Variants in ACAP3 observed in about 807,000 individuals in gnomAD.
ACAP3 encodes arf-GAP with coiled-coil, ANK repeat and PH domain-containing protein 3.
ACAP3 carries 56 observed loss-of-function variants against 104.1 expected under a neutral mutation model. The ratio of observed to expected loss-of-function variants is 0.54; its 90% CI spans 0.43 to 0.67. The LOEUF is 0.67. Ranked by LOEUF, ACAP3 falls within the 30% of genes least tolerant of loss-of-function variation. ACAP3 has a pLI of 0.00. For missense variants in ACAP3, 1,208 were observed against 1,174.9 expected, an observed-to-expected ratio of 1.03 and a Z score of -0.41; for synonymous variants, 628 against 496.2, an observed-to-expected ratio of 1.27 and a Z score of -3.53.
intron 4 of ACAP3, 105 bp downstream of exon 4, chr1:1,302,817 A>C: frequency 1.4e-5 from 4 of 287,090 alleles, no homozygotes; most frequent in African/African-American, 3.0e-5. Flanking sequence ...CGACTAGAGG[A>C]GCAGAAACGT....
In ACAP3 at chr1:1,297,874, T is replaced by A. The variant is rs755640116; in HGVS notation, c.1076A>T (p.Gln359Leu). The A allele has an allele frequency of 2.5e-6, 4 of 1,611,974 alleles. No individual in the cohort carries two copies. Among genetic ancestry groups the A allele is most frequent in the Non-Finnish European group, 2.5e-6 (3 of 1,179,482 alleles). Reference sequence around the variant, plus strand: ...GCGGTAGGCGGAGGCGATGCTGGCCTGCACAGCCTGGACCCAGGCTTGCCG... The same window carrying A: ...GCGGTAGGCGGAGGCGATGCTGGCCAGCACAGCCTGGACCCAGGCTTGCCG... ...KLRQAWVQAV[Q>L]ASIASAYRES... Residue 359 changes from glutamine to leucine, a missense_variant, in exon 14 of 24, where the codon CAG (glutamine) becomes CTG (leucine). Transcript: ENST00000354700.
Position 1,299,985 on chromosome 1 carries a change from C to T in ACAP3, c.651G>A (p.Lys217=), listed in dbSNP as rs1641373651. The change falls in exon 8 of 24, where the codon AAG becomes AAA. Residue 217 remains lysine, a synonymous_variant. Coordinates refer to ENST00000354700, the MANE Select transcript of ACAP3 (RefSeq NM_030649.3). The part of the protein sequence containing the change: ...LLHQLDPYMK[K]LAAELDQLVI... Reference sequence around the variant, plus strand: ...CCCAAAGGCTCACCTCGGCTGCCAGCTTCTTCATGTAGGGGTCCAGCTGGT... The same window carrying T: ...CCCAAAGGCTCACCTCGGCTGCCAGTTTCTTCATGTAGGGGTCCAGCTGGT... 2 of 1,609,600 alleles carry T rather than the reference C, an allele frequency of 1.2e-6. No homozygotes were observed. Among genetic ancestry groups the T allele is most frequent in the South Asian group, 2.2e-5 (2 of 90,978 alleles).
In ACAP3 at chr1:1,292,846, C is replaced by G. The variant is rs370212876; in HGVS notation, c.*718G>C. The G allele has an allele frequency of 2.6e-5, 4 of 152,436 alleles. No homozygotes were observed. Among genetic ancestry groups the G allele is most frequent in the South Asian group, 4.1e-4 (2 of 4,830 alleles). 9.4% of individuals were successfully genotyped at this position (152,436 alleles called of 1,614,324 possible). ...GCCTATAGCAAACCCACTCGGTCCG[C>G]TACAAAGAACATGAGATGAGGGCTG... On this transcript the variant is annotated 3_prime_UTR_variant, in exon 24 of 24. Transcript: ENST00000354700.
chr1:1,300,797 G>C lies in ACAP3; in HGVS notation c.339-105C>G. The C allele has an allele frequency of 2.4e-6, 3 of 1,247,958 alleles. No individual in the cohort carries two copies. The South Asian group carries it at 4.1e-5, about 17-fold the overall frequency. The allele number at this position is 1,247,958 out of a possible 1,614,324, so 77.3% of individuals were successfully genotyped here. ...TGTGTTTTTTGTTTTTTGAGACGGA[G>C]TTTCGCTCTTGTCACCCAGGCTGGA... On this transcript the variant is annotated intron_variant, in intron 5 of 23. Coordinates refer to ENST00000354700, the MANE Select transcript of ACAP3 (RefSeq NM_030649.3).
At chr1:1,299,779 G>A (rs765668975) in intron 9 of ACAP3, 52 bp downstream of exon 9, 28 of 1,510,130 alleles carry the variant, frequency 1.9e-5, no homozygotes, top group South Asian at 5.0e-5. Context: ...GGGTGAGGAC[G>A]CAGGGGCCTC....
At chr1:1,294,935 C>G in intron 19 of ACAP3, 119 bp from the exon 20 acceptor site, 1 of 996,432 alleles carries the variant, frequency 1.0e-6, no homozygotes, top group Non-Finnish European at 1.5e-6. Context: ...ACAGGACCAG[C>G]TCCCACCCAG....
intron 1 of ACAP3, 127 bp from the exon 2 acceptor site, chr1:1,304,270 A>T: frequency 8.6e-7 from 1 of 1,160,624 alleles, no homozygotes; most frequent in Non-Finnish European, 1.2e-6. Flanking sequence ...GCTGGGAGAC[A>T]GACGCCTGCC....
In ACAP3 at chr1:1,294,082, C is replaced by G; in HGVS notation, c.2249+8G>C. ...GGCACAGGGCGGGGCGTGGGTTGCG[C>G]GTCTCACCCGGTGCGGCCCAGCAGC... On this transcript the variant is annotated splice_region_variant and intron_variant, in intron 22 of 23. Coordinates refer to ENST00000354700, the MANE Select transcript of ACAP3 (RefSeq NM_030649.3). 1.3e-6 allele frequency: 2 copies of G among 1,559,150 alleles called. No individual in the cohort carries two copies. Among genetic ancestry groups the G allele is most frequent in the Non-Finnish European group, 8.7e-7 (1 of 1,151,286 alleles).
chr1:1,298,183 A>C (rs1570644817), intron 12 of ACAP3, 70 bp from the exon 13 acceptor site: 1 of 1,561,224 alleles, frequency 6.4e-7, no homozygotes, highest in Non-Finnish European at 8.7e-7. Flanking sequence ...TTCCTGCTTC[A>C]CCTTGGAGAC....
In ACAP3 at chr1:1,292,517, A is replaced by G. The variant is rs3737721; in HGVS notation, c.*1047T>C. The stretch of plus-strand genomic sequence containing the variant: ...AGAATCAATTCTGTTCTTCAGGGTC[A>G]CAGGCAGCAGGCAAGAGAGTTGGGG... On this transcript the variant is annotated 3_prime_UTR_variant, in exon 24 of 24. Transcript: ENST00000354700. The G allele has an allele frequency of 0.08, 12,135 of 152,506 alleles. 1,538 individuals are homozygous for G. Among genetic ancestry groups the G allele is most frequent in the East Asian group, 0.59 (3,021 of 5,162 alleles). 9.4% of individuals were successfully genotyped at this position (152,506 alleles called of 1,614,324 possible).
Position 1,294,600 on chromosome 1 carries a change from A to C in ACAP3, c.1941T>G (p.Gly647=). The change falls in exon 21 of 24, where the codon GGT becomes GGG. Residue 647 remains glycine (G), a synonymous_variant. Transcript: ENST00000354700. ...CGGCCTCAGTGTCCCCGTCTGCCTCACCGCTGGACTCCTCCGACTCTGCAC... is the reference window on the plus strand; with the variant it reads ...CGGCCTCAGTGTCCCCGTCTGCCTCCCCGCTGGACTCCTCCGACTCTGCAC... The part of the protein sequence containing the change: ...EEGAESEESS[G]EADGDTEAEA... 6.6e-7 allele frequency: 1 copy of C among 1,516,122 alleles called. No individual in the cohort carries two copies. 93.9% of individuals were successfully genotyped at this position (1,516,122 alleles called of 1,614,324 possible).
In ACAP3 at chr1:1,293,570, C is replaced by T. The variant is rs1426893962; in HGVS notation, c.2499G>A (p.Glu833=). Reference sequence around the variant, plus strand: ...CTGCCCGGCCTGCCCGGCCCTAGCTCTCTTCCAGGTGGAGGCTGATGAACT... The same window carrying T: ...CTGCCCGGCCTGCCCGGCCCTAGCTTTCTTCCAGGTGGAGGCTGATGAACT... ...IQEFISLHLE[E]S The change falls in exon 24 of 24, where the codon GAG becomes GAA. Residue 833 remains glutamate, a synonymous_variant. Coordinates refer to ENST00000354700, the MANE Select transcript of ACAP3 (RefSeq NM_030649.3). 4 of 1,483,756 alleles carry T rather than the reference C, an allele frequency of 2.7e-6. No homozygotes were observed. The highest frequency in any genetic ancestry group is 3.6e-6 in the Non-Finnish European group (4 of 1,121,480). 91.9% of individuals were successfully genotyped at this position (1,483,756 alleles called of 1,614,324 possible).
intron 12 of ACAP3, 99 bp downstream of exon 12, chr1:1,298,271 A>C: frequency 6.3e-7 from 1 of 1,586,478 alleles, no homozygotes; most frequent in Non-Finnish European, 8.6e-7. Flanking sequence ...GGCGTCCACT[A>C]GTGCCCCGGC....
At chr1:1,306,120 C>T (rs1212199389) in intron 1 of ACAP3, among the ~76,000 whole-genome samples, 1 of 152,204 alleles carries the variant, frequency 6.6e-6, no homozygotes, top group Non-Finnish European at 1.5e-5. Flanking sequence ...CCATGCCCCA[C>T]AGGGGTGAGG....
Position 1,293,390 on chromosome 1 carries a change from T to C in ACAP3, c.*174A>G. 1.8e-6 allele frequency: 1 copy of C among 545,388 alleles called. No individual in the cohort carries two copies. The highest frequency in any genetic ancestry group is 2.7e-6 in the Non-Finnish European group (1 of 371,552). The allele number at this position is 545,388 out of a possible 1,614,324, so 33.8% of individuals were successfully genotyped here. On this transcript the variant is annotated 3_prime_UTR_variant, in exon 24 of 24. Transcript: ENST00000354700. ...AAACGTGAGGCTTCAAGAGACTCAGTGTGGGGCCCTCGCTCTCCTCCTGGG... is the reference window on the plus strand; with the variant it reads ...AAACGTGAGGCTTCAAGAGACTCAGCGTGGGGCCCTCGCTCTCCTCCTGGG...
At chr1:1,299,740 G>A (rs1641361779) in intron 9 of ACAP3, 91 bp downstream of exon 9, 2 of 1,381,116 alleles carry the variant, frequency 1.4e-6, no homozygotes, top group Admixed American at 2.4e-5. Context: ...CAGGCAGGAG[G>A]AAGGGGCGGG....
chr1:1,307,202 AATG>A (rs1247466844), intron 1 of ACAP3: 12 of 1,287,224 alleles, frequency 9.3e-6, no homozygotes, highest in African/African-American at 1.5e-5. Flanking sequence ...GCACGCCACG[AATG>A]ATGGAAAACA....
intron 1 of ACAP3, among the ~76,000 whole-genome samples, chr1:1,306,134 T>C (rs1247222940): frequency 1.3e-5 from 2 of 152,192 alleles, no homozygotes; most frequent in East Asian, 1.9e-4. Context: ...GGTGAGGCAC[T>C]TTCCCAGGGC....
At position 1,299,548 on chromosome 1, in the gene ACAP3, G is replaced by A. The variant is rs1203180019; in HGVS notation, c.739-192C>T. 4 of 787,474 alleles carry A rather than the reference G, an allele frequency of 5.1e-6. 1 individual carries two copies. The highest frequency in any genetic ancestry group is 3.9e-5 in the South Asian group (2 of 51,710). The allele number at this position is 787,474 out of a possible 1,614,324, so 48.8% of individuals were successfully genotyped here. On this transcript the variant is annotated intron_variant, in intron 9 of 23. Transcript: ENST00000354700. ...AACCTCTGCCCGGGATGGTGGCCGG[G>A]GCTGCTGTCCCACAGGCAAGCAAAG...
Sources: gnomAD v4.1 joint callset for allele counts (sites outside exome capture counted in the v4.1 genomes callset) on GRCh38, gnomAD v4.1.1 for gene constraint, MANE v1.5 for transcripts, NCBI Gene and HGNC (gene_info 2026-07-23, HGNC 2026-07-21) for gene names.